The following UBAP1 variants were observed in gnomAD, a reference collection of about 807,000 sequenced individuals.
UBAP1 encodes ubiquitin associated protein 1, also known as ubiquitin-associated protein 1.
UBAP1 carries 5 observed loss-of-function variants against 39.0 expected under a neutral mutation model. The ratio of observed to expected loss-of-function variants is 0.13; its 90% confidence interval spans 0.07 to 0.27. UBAP1 has a LOEUF of 0.27. Among genes scored for constraint, UBAP1 ranks in the 10% least tolerant of loss-of-function variants. The pLI, the probability that UBAP1 is intolerant of heterozygous loss-of-function variation, is 1.00. For missense variants in UBAP1, 490 were observed against 608.1 expected, an observed-to-expected ratio of 0.81 and a Z score of 2.04; for synonymous variants, 211 against 225.1, an observed-to-expected ratio of 0.94 and a Z score of 0.56.
chr9:34,236,022 G>A (rs1441222510), intron 3 of UBAP1, among the ~76,000 whole-genome samples: 2 of 151,594 alleles, frequency 1.3e-5, no homozygotes, highest in Non-Finnish European at 2.9e-5. Flanking sequence ...TACCATGCCC[G>A]GCTAATTTTG....
intron 1 of UBAP1, among the ~76,000 whole-genome samples, chr9:34,207,161 C>G (rs1831753071): frequency 6.9e-6 from 1 of 144,758 alleles, no homozygotes. Flanking sequence ...AAGTGATTCT[C>G]CTGCCTCAGC....
chr9:34,184,013 A>G (rs1476670887), intron 1 of UBAP1, among the ~76,000 whole-genome samples: 2 of 151,942 alleles, frequency 1.3e-5, no homozygotes, highest in Non-Finnish European at 2.9e-5. Context: ...CAGGTGATCC[A>G]TCCGCTTCGG....
intron 1 of UBAP1, among the ~76,000 whole-genome samples, chr9:34,207,332 C>T (rs1831764196): frequency 6.7e-6 from 1 of 149,972 alleles, no homozygotes; most frequent in Admixed American, 6.6e-5. Flanking sequence ...AGGTGTGGGT[C>T]ACCACGCCTG....
chr9:34,233,244 CAG>C (rs1324560259), intron 2 of UBAP1, among the ~76,000 whole-genome samples: 2 of 127,944 alleles, frequency 1.6e-5, no homozygotes, highest in East Asian at 2.1e-4. Context: ...TTTTTTGAGA[CAG>C]AGTCTTGCTC....
chr9:34,213,871 C>T (rs1399326264), intron 1 of UBAP1, among the ~76,000 whole-genome samples: 1 of 151,708 alleles, frequency 6.6e-6, no homozygotes, highest in Non-Finnish European at 1.5e-5. Flanking sequence ...CTTCTATACA[C>T]CAACAGTGAC....
intron 1 of UBAP1, among the ~76,000 whole-genome samples, chr9:34,180,507 C>CAA (rs747564427): frequency 1.2e-5 from 1 of 86,020 alleles, no homozygotes; most frequent in Non-Finnish European, 2.5e-5. Context: ...GACTCCGACT[C>CAA]AAAAAAAAAA....
At chr9:34,210,734 A>T (rs115747438) in intron 1 of UBAP1, among the ~76,000 whole-genome samples, 1,582 of 146,430 alleles carry the variant, frequency 0.011, 25 homozygotes, top group African/African-American at 0.035. Context: ...AAAAAAAAAA[A>T]TTTTTTTTTT....
chr9:34,181,116 C>CTTTCTTTTTTTTTTTTTTTTTTTTTTT lies in UBAP1; in HGVS notation c.-8+1879_-8+1880insCTTTTTTTTTTTTTTTTTTTTTTTTTT, dbSNP rs1193356334. Among the ~76,000 whole-genome samples the CTTTCTTTTTTTTTTTTTTTTTTTTTTT allele has an allele frequency of 2.6e-3, 191 of 72,268 alleles. 34 individuals are homozygous for CTTTCTTTTTTTTTTTTTTTTTTTTTTT. Among genetic ancestry groups the CTTTCTTTTTTTTTTTTTTTTTTTTTTT allele is most frequent in the South Asian group, 5.1e-3 (9 of 1,750 alleles). 47.4% of individuals were successfully genotyped at this position (72,268 alleles called of 152,430 possible). On this transcript the variant is annotated intron_variant, in intron 1 of 6. Transcript: ENST00000297661. ...TGAGCCACCGCACCCGGCCTGTTTT[C>CTTTCTTTTTTTTTTTTTTTTTTTTTTT]TTTTTTTTTTTTTTTTTGAGACAGA...
At chr9:34,250,621 C>T in intron 5 of UBAP1, 37 bp from the exon 6 acceptor site, 1 of 1,543,038 alleles carries the variant, frequency 6.5e-7, no homozygotes, top group South Asian at 1.1e-5. Context: ...CAGCAAAGAG[C>T]AGCAGTAGGT....
chr9:34,179,018 A>C, upstream of UBAP1: 1 of 1,257,808 alleles, frequency 8.0e-7, no homozygotes, highest in Non-Finnish European at 1.0e-6. Flanking sequence ...CGCCCAAATG[A>C]GTGGGGCGGT....
chr9:34,202,659 G>A (rs1288115437), intron 1 of UBAP1, among the ~76,000 whole-genome samples: 1 of 147,368 alleles, frequency 6.8e-6, no homozygotes, highest in Non-Finnish European at 1.5e-5. Context: ...GTGTGTGTGT[G>A]TGTGTGTGTG....
intron 3 of UBAP1, among the ~76,000 whole-genome samples, chr9:34,240,476 A>T (rs1000214722): frequency 5.3e-5 from 8 of 152,156 alleles, no homozygotes; most frequent in African/African-American, 1.9e-4. Flanking sequence ...TTCCTGTCCT[A>T]TGTGAATGTT....
intron 3 of UBAP1, 38 bp downstream of exon 3, chr9:34,234,378 A>G: frequency 6.4e-7 from 1 of 1,560,962 alleles, no homozygotes; most frequent in South Asian, 1.2e-5. Context: ...AGTGCATTTA[A>G]AAGTTTAAAG....
chr9:34,215,303 A>G (rs1832242398), intron 1 of UBAP1, among the ~76,000 whole-genome samples: 1 of 151,660 alleles, frequency 6.6e-6, no homozygotes, highest in Non-Finnish European at 1.5e-5. Context: ...ATATATGTAT[A>G]TAAGTATGTA....
chr9:34,190,931 A>T (rs1348781566), intron 1 of UBAP1, among the ~76,000 whole-genome samples: 2 of 151,476 alleles, frequency 1.3e-5, no homozygotes, highest in African/African-American at 4.9e-5. Context: ...TACAGGTGTG[A>T]GTCACAGTGC....
At chr9:34,183,127 A>G (rs553614133) in intron 1 of UBAP1, among the ~76,000 whole-genome samples, 14 of 152,144 alleles carry the variant, frequency 9.2e-5, no homozygotes, top group Non-Finnish European at 1.9e-4. Context: ...TCAAATGTAG[A>G]TCATTTTAAG....
intron 1 of UBAP1, among the ~76,000 whole-genome samples, chr9:34,205,917 CG>C (rs894340862): frequency 3.3e-5 from 5 of 152,204 alleles, no homozygotes; most frequent in Admixed American, 2.0e-4. Flanking sequence ...GCATGAACCC[CG>C]GAGGTGGAGG....
chr9:34,235,902 G>A (rs1281112768), intron 3 of UBAP1, among the ~76,000 whole-genome samples: 3 of 149,730 alleles, frequency 2.0e-5, no homozygotes, highest in South Asian at 2.1e-4. Context: ...GCGCGATCTC[G>A]TCAAGAAGAG....
intron 1 of UBAP1, among the ~76,000 whole-genome samples, chr9:34,218,737 C>T (rs1055114231): frequency 6.6e-6 from 1 of 151,984 alleles, no homozygotes; most frequent in Admixed American, 6.6e-5. Flanking sequence ...AGTTTAAGAC[C>T]AGCCTATCCA....
Sources: allele counts gnomAD v4.1 joint callset (sites outside exome capture counted in the v4.1 genomes callset), GRCh38; gene constraint gnomAD v4.1.1; transcripts MANE v1.5; gene names NCBI Gene and HGNC (gene_info 2026-07-23, HGNC 2026-07-21).